Variants in COL22A1 observed in about 807,000 individuals in gnomAD.
COL22A1 encodes collagen alpha-1(XXII) chain.
COL22A1 carries 221 observed loss-of-function variants against 248.9 expected under a neutral mutation model. The observed-to-expected ratio is 0.89, with a 90% CI of 0.80 to 0.99. COL22A1 has a LOEUF of 0.99. COL22A1 is among the 50% of genes least tolerant of loss of function. The probability of loss-of-function intolerance (pLI) is 0.00; values close to 1 mark genes in which losing one functional copy is unlikely to be tolerated. For synonymous variants in COL22A1, 891 were observed against 793.4 expected, an observed-to-expected ratio of 1.12 and a Z score of -2.07; for missense variants, 2,240 against 2,179.0, an observed-to-expected ratio of 1.03 and a Z score of -0.56.
intron 3 of COL22A1, among the ~76,000 whole-genome samples, chr8:138,846,626 G>A (rs1021836652): frequency 6.6e-6 from 1 of 151,928 alleles, no homozygotes; most frequent in Non-Finnish European, 1.5e-5. Flanking sequence ...GGGGATGGTG[G>A]GGTCCTCAGG....
chr8:138,789,672 G>T (rs913510921), intron 12 of COL22A1, among the ~76,000 whole-genome samples: 1 of 152,194 alleles, frequency 6.6e-6, no homozygotes, highest in Non-Finnish European at 1.5e-5. Flanking sequence ...GAGGGGCAGG[G>T]AACTGACATT....
intron 21 of COL22A1, among the ~76,000 whole-genome samples, chr8:138,753,018 G>A (rs1036450270): frequency 7.2e-5 from 11 of 152,158 alleles, no homozygotes; most frequent in South Asian, 2.1e-4. Flanking sequence ...ATGCTGCTGC[G>A]GTAGATTTCC....
At chr8:138,634,166 G>C (rs1820951480) in intron 49 of COL22A1, among the ~76,000 whole-genome samples, 2 of 152,160 alleles carry the variant, frequency 1.3e-5, no homozygotes, top group South Asian at 2.1e-4. Flanking sequence ...ACTAGAAGTT[G>C]AGTTGTTTAA....
chr8:138,841,965 G>T (rs1820916591), intron 4 of COL22A1, among the ~76,000 whole-genome samples: 1 of 152,180 alleles, frequency 6.6e-6, no homozygotes, highest in Non-Finnish European at 1.5e-5. Context: ...GGGTAAGTTT[G>T]CCTGATTTTT....
chr8:138,596,803 G>C, intron 62 of COL22A1, 101 bp downstream of exon 62: 1 of 1,076,110 alleles, frequency 9.3e-7, no homozygotes, highest in Non-Finnish European at 1.4e-6. Context: ...TGCCGGTCAA[G>C]TGCTTTTCTT....
intron 22 of COL22A1, among the ~76,000 whole-genome samples, chr8:138,740,534 T>G (rs1019319599): frequency 5.9e-5 from 9 of 152,162 alleles, no homozygotes; most frequent in Non-Finnish European, 2.9e-5. Context: ...GGTGAACACC[T>G]AAGTTGACAA....
intron 41 of COL22A1, among the ~76,000 whole-genome samples, chr8:138,671,076 C>T (rs928593521): frequency 6.6e-6 from 1 of 151,080 alleles, no homozygotes; most frequent in African/African-American, 2.4e-5. Flanking sequence ...TGTGTAGGTC[C>T]ACTTCAATGC....
chr8:138,760,302 G>T lies in COL22A1; in HGVS notation c.1858-15C>A. On this transcript the variant is annotated splice_polypyrimidine_tract_variant and intron_variant, in intron 17 of 64. Coordinates refer to ENST00000303045, the MANE Select transcript of COL22A1 (RefSeq NM_152888.3). ...CCGGGCCTGCCCTGGAGGAAAGAAA[G>T]AAAAGGCAGATTATGATGGGCACTA... 1.3e-6 allele frequency: 2 copies of T among 1,598,024 alleles called. No individual in the cohort carries two copies. Among genetic ancestry groups the T allele is most frequent in the Non-Finnish European group, 1.7e-6 (2 of 1,172,546 alleles).
Position 138,883,219 on chromosome 8 carries a change from G to A in COL22A1, c.-47C>T, listed in dbSNP as rs980617159. 18 of 1,505,170 alleles carry A rather than the reference G, an allele frequency of 1.2e-5. No homozygotes were observed. The highest frequency in any genetic ancestry group is 4.1e-5 in the African/African-American group (3 of 72,314). The allele number at this position is 1,505,170 out of a possible 1,614,324, so 93.2% of individuals were successfully genotyped here. A position where few individuals can be genotyped will look rare whatever the true frequency, so the allele number is the denominator to read the frequency against. ...AGGCTTCTCTTGGCCAGGAAGAGAC[G>A]CTGTTAGGGTCTACAGCAGCATGGC... On this transcript the variant is annotated 5_prime_UTR_variant, in exon 2 of 65. Coordinates refer to ENST00000303045, the MANE Select transcript of COL22A1 (RefSeq NM_152888.3).
chr8:138,642,196 A>G (rs1821772764), intron 47 of COL22A1, among the ~76,000 whole-genome samples: 2 of 152,206 alleles, frequency 1.3e-5, no homozygotes, highest in Admixed American at 6.5e-5. Flanking sequence ...TGACAAGACA[A>G]TAACTACTCA....
At chr8:138,850,084 C>T (rs1297204799) in intron 3 of COL22A1, among the ~76,000 whole-genome samples, 1 of 152,178 alleles carries the variant, frequency 6.6e-6, no homozygotes, top group Non-Finnish European at 1.5e-5. Flanking sequence ...GGTGTGCACC[C>T]TGTGAGAAGA....
intron 35 of COL22A1, among the ~76,000 whole-genome samples, chr8:138,691,963 T>A (rs56651471): frequency 4.8e-5 from 6 of 124,772 alleles, no homozygotes; most frequent in African/African-American, 1.2e-4. Context: ...TTTGTGGAGG[T>A]GCATGTGTGG....
intron 41 of COL22A1, among the ~76,000 whole-genome samples, chr8:138,675,078 A>T (rs1383760643): frequency 6.6e-6 from 1 of 152,222 alleles, no homozygotes; most frequent in African/African-American, 2.4e-5. Flanking sequence ...CATGCTTTTC[A>T]GGAAGATCTA....
At chr8:138,685,449 A>C in intron 37 of COL22A1, 137 bp from the exon 38 acceptor site, 1 of 720,688 alleles carries the variant, frequency 1.4e-6, no homozygotes, top group Non-Finnish European at 2.4e-6. Flanking sequence ...TTTCTGGGAC[A>C]CAGAAAGATG....
At chr8:138,762,036 G>A (rs1339805380) in intron 17 of COL22A1, among the ~76,000 whole-genome samples, 1 of 152,142 alleles carries the variant, frequency 6.6e-6, no homozygotes, top group African/African-American at 2.4e-5. Flanking sequence ...GATGCCTCCT[G>A]ATTTATTTAA....
At chr8:138,745,742 A>G (rs945366085) in intron 22 of COL22A1, among the ~76,000 whole-genome samples, 3 of 152,158 alleles carry the variant, frequency 2.0e-5, no homozygotes, top group African/African-American at 4.8e-5. Context: ...CAATTTTTTT[A>G]TTGGAAAAGT....
In COL22A1 at chr8:138,596,979, G is replaced by A. The variant is rs1817590452; in HGVS notation, c.4366-9C>T. ...ATGGATGGAGACTCCCCCTAGGAGG[G>A]AGGGAAGGTGGAGTCATTCATCTTC... On this transcript the variant is annotated splice_polypyrimidine_tract_variant and intron_variant, in intron 61 of 64. Coordinates refer to ENST00000303045, the MANE Select transcript of COL22A1 (RefSeq NM_152888.3). The A allele has an allele frequency of 6.2e-7, 1 of 1,612,468 alleles. No individual in the cohort carries two copies. Among genetic ancestry groups the A allele is most frequent in the African/African-American group, 1.3e-5 (1 of 74,890 alleles).
intron 15 of COL22A1, among the ~76,000 whole-genome samples, chr8:138,777,512 T>A (rs1814580386): frequency 6.6e-6 from 1 of 152,128 alleles, no homozygotes; most frequent in Non-Finnish European, 1.5e-5. Flanking sequence ...ATGCTCTCCC[T>A]CCCCTTGCCC....
chr8:138,606,776 T>A, intron 57 of COL22A1, among the ~76,000 whole-genome samples: 1 of 152,130 alleles, frequency 6.6e-6, no homozygotes, highest in Admixed American at 6.5e-5. Flanking sequence ...TCTAGTGAGA[T>A]GGCATACCAC....
Sources: gnomAD v4.1 joint callset for allele counts (sites outside exome capture counted in the v4.1 genomes callset) on GRCh38, gnomAD v4.1.1 for gene constraint, MANE v1.5 for transcripts, NCBI Gene and HGNC (gene_info 2026-07-23, HGNC 2026-07-21) for gene names.